Variants in RAF1 observed in about 807,000 individuals in gnomAD.
The protein encoded by RAF1 is Raf-1 proto-oncogene, serine/threonine kinase.
A neutral mutation model predicts 81.1 loss-of-function variants in RAF1; 27 were observed. The observed-to-expected ratio is 0.33, with a 90% CI of 0.25 to 0.46. The LOEUF (loss-of-function observed/expected upper bound fraction) is 0.46. Ranked by LOEUF, RAF1 falls within the 20% of genes least tolerant of loss-of-function variation. The pLI, the probability that RAF1 is intolerant of heterozygous loss-of-function variation, is 1.00. For missense variants in RAF1, 598 were observed against 826.0 expected, an observed-to-expected ratio of 0.72 and a Z score of 3.38; for synonymous variants, 298 against 294.0, an observed-to-expected ratio of 1.01 and a Z score of -0.14.
chr3:12,585,015 G>A (rs2058281686), intron 16 of RAF1, 34 bp from the exon 16 acceptor site: 1 of 1,613,768 alleles, frequency 6.2e-7, no homozygotes, highest in African/African-American at 1.3e-5. Context: ...CTAATGGGGG[G>A]TGAATGAACA....
intron 1 of RAF1, among the ~76,000 whole-genome samples, chr3:12,648,449 C>T (rs753276145): frequency 6.6e-6 from 1 of 152,106 alleles, no homozygotes; most frequent in Non-Finnish European, 1.5e-5. Flanking sequence ...AAAATTAGCC[C>T]TCCTCAAAGA....
chr3:12,591,969 G>A (rs1447944873), intron 11 of RAF1, 177 bp from the exon 11 acceptor site: 12 of 646,052 alleles, frequency 1.9e-5, no homozygotes, highest in Non-Finnish European at 3.4e-5. Context: ...TGTTGTCTAG[G>A]CTAGAGTGCA....
chr3:12,632,171 G>A (rs1030478123), intron 1 of RAF1, among the ~76,000 whole-genome samples: 4 of 151,902 alleles, frequency 2.6e-5, no homozygotes, highest in Non-Finnish European at 5.9e-5. Context: ...TAAAAATACA[G>A]AAATTAGCTG....
chr3:12,603,809 T>C (rs1248455600), intron 7 of RAF1, among the ~76,000 whole-genome samples: 1 of 152,236 alleles, frequency 6.6e-6, no homozygotes, highest in Non-Finnish European at 1.5e-5. Flanking sequence ...TCCATCACTG[T>C]TAATTTCTGT....
chr3:12,615,766 T>C (rs1390154198), intron 2 of RAF1, among the ~76,000 whole-genome samples: 2 of 152,116 alleles, frequency 1.3e-5, no homozygotes, highest in Non-Finnish European at 2.9e-5. Context: ...GAAATAATCA[T>C]AGCAGCCGGG....
chr3:12,585,390 G>C (rs945100273), intron 15 of RAF1, 137 bp from the exon 15 acceptor site: 2 of 1,539,086 alleles, frequency 1.3e-6, no homozygotes, highest in Non-Finnish European at 8.7e-7. Flanking sequence ...TTCCCCCAAA[G>C]GACTCCAACT....
chr3:12,590,106 T>A (rs201780008), intron 13 of RAF1: 1 of 147,222 alleles, frequency 6.8e-6, no homozygotes, highest in Non-Finnish European at 1.5e-5. Flanking sequence ...AGTTTTTAAT[T>A]AAAAAAAAAA....
chr3:12,600,392 T>G lies in RAF1; in HGVS notation c.918A>C (p.Glu306Asp), dbSNP rs1487959530. The change falls in exon 9 of 18, where the codon GAA (glutamate) becomes GAC (aspartate). Residue 306 changes from glutamate to aspartate, a missense_variant. Transcript: ENST00000442415. ...TAAATGACTATGGAAAAGTACCTGA[T>G]TCGCTGTGACTTCGAATTGCATCCT... 6.2e-6 allele frequency: 10 copies of G among 1,614,206 alleles called. No individual in the cohort carries two copies. The highest frequency in any genetic ancestry group is 8.5e-6 in the Non-Finnish European group (10 of 1,180,046).
intron 1 of RAF1, among the ~76,000 whole-genome samples, chr3:12,648,720 T>A (rs1029091029): frequency 6.6e-6 from 1 of 152,004 alleles, no homozygotes; most frequent in East Asian, 1.9e-4. Context: ...TCCTCCAGCC[T>A]GAGTGACAGA....
chr3:12,663,471 T>C (rs5746155), intron 1 of RAF1, among the ~76,000 whole-genome samples: 11 of 152,240 alleles, frequency 7.2e-5, no homozygotes, highest in Non-Finnish European at 1.3e-4. Context: ...AGAAAAGGAA[T>C]TGGCCCATCC....
intron 6 of RAF1, 67 bp downstream of exon 6, chr3:12,606,134 T>C: frequency 8.3e-7 from 1 of 1,199,516 alleles, no homozygotes; most frequent in South Asian, 1.3e-5. Flanking sequence ...TTATTTTTTG[T>C]CTTCAAGCTT....
intron 1 of RAF1, among the ~76,000 whole-genome samples, chr3:12,643,045 T>C (rs530295860): frequency 1.3e-3 from 194 of 152,282 alleles, no homozygotes; most frequent in Non-Finnish European, 2.5e-3. Context: ...TCATCTCCTA[T>C]TCTTTCAAGA....
At chr3:12,643,118 A>G (rs1277480204) in intron 1 of RAF1, among the ~76,000 whole-genome samples, 2 of 152,194 alleles carry the variant, frequency 1.3e-5, no homozygotes, top group African/African-American at 4.8e-5. Context: ...ACTCCCACCC[A>G]TAACACTGCA....
chr3:12,647,866 G>A (rs551680248), intron 1 of RAF1, among the ~76,000 whole-genome samples: 1 of 152,240 alleles, frequency 6.6e-6, no homozygotes, highest in East Asian at 1.9e-4. Flanking sequence ...GAAGAAATAA[G>A]CCACTCTACT....
At chr3:12,634,020 C>G (rs2059944355) in intron 1 of RAF1, among the ~76,000 whole-genome samples, 1 of 151,670 alleles carries the variant, frequency 6.6e-6, no homozygotes, top group African/African-American at 2.4e-5. Flanking sequence ...TGGAGCAAAG[C>G]CTCCTAGATT....
intron 1 of RAF1, among the ~76,000 whole-genome samples, chr3:12,625,224 C>T (rs1334386334): frequency 6.6e-6 from 1 of 152,002 alleles, no homozygotes; most frequent in African/African-American, 2.4e-5. Flanking sequence ...GCTGGGATCA[C>T]AGGCATGCGC....
At chr3:12,624,895 A>AC (rs1329884288) in intron 1 of RAF1, among the ~76,000 whole-genome samples, 7 of 150,450 alleles carry the variant, frequency 4.7e-5, no homozygotes, top group Non-Finnish European at 7.4e-5. Flanking sequence ...CAAAAAAAAA[A>AC]AAAAAAACAA....
At chr3:12,638,825 C>A (rs2060102575) in intron 1 of RAF1, among the ~76,000 whole-genome samples, 1 of 152,116 alleles carries the variant, frequency 6.6e-6, no homozygotes, top group South Asian at 2.1e-4. Context: ...CACCTGAAGT[C>A]AGGAGTTCGA....
intron 2 of RAF1, among the ~76,000 whole-genome samples, chr3:12,615,046 T>A (rs1388120566): frequency 6.6e-6 from 1 of 152,214 alleles, no homozygotes; most frequent in Non-Finnish European, 1.5e-5. Context: ...TAGCTGGCAT[T>A]AGAATCCTCA....
Sources: allele counts gnomAD v4.1 joint callset (sites outside exome capture counted in the v4.1 genomes callset), GRCh38; gene constraint gnomAD v4.1.1; transcripts MANE v1.5; gene names NCBI Gene and HGNC (gene_info 2026-07-23, HGNC 2026-07-21).